Variants in SPTA1 observed in about 807,000 individuals in gnomAD.
The protein encoded by SPTA1 is spectrin alpha, erythrocytic 1.
Under a neutral mutation model 324.7 loss-of-function variants are expected in SPTA1, and 177 were observed. The observed-to-expected ratio is 0.55, with a 90% confidence interval of 0.48 to 0.62. The LOEUF (loss-of-function observed/expected upper bound fraction) is 0.62. Ranked by LOEUF, SPTA1 falls within the 20% of genes least tolerant of loss-of-function variation. The pLI is 0.00. For missense variants in SPTA1, 3,162 were observed against 2,883.6 expected (o/e 1.10, Z -2.21); for synonymous variants, 1,195 against 1,041.3 (o/e 1.15, Z -2.84).
intron 39 of SPTA1, among the ~76,000 whole-genome samples, chr1:158,631,877 C>A (rs1007688041): frequency 1.3e-5 from 2 of 152,110 alleles, no homozygotes; most frequent in African/African-American, 4.8e-5. Context: ...TTATGGAAAA[C>A]AACATGAATA....
At chr1:158,677,288 T>C (rs1023068638) in intron 7 of SPTA1, among the ~76,000 whole-genome samples, 6 of 152,172 alleles carry the variant, frequency 3.9e-5, no homozygotes, top group African/African-American at 1.4e-4. Context: ...TCTGATCTAC[T>C]GAGTACAAAA....
At chr1:158,685,060 C>G (rs1655066078) in intron 2 of SPTA1, 48 bp downstream of exon 2, 1 of 1,611,810 alleles carries the variant, frequency 6.2e-7, no homozygotes, top group Admixed American at 1.7e-5. Flanking sequence ...ATTTCCTTCT[C>G]TAGAGATCTT....
At position 158,636,659 on chromosome 1, in the gene SPTA1, G is replaced by T. The variant is rs3738791; in HGVS notation, c.5292C>A (p.Ala1764=). ...KHKRLEGELV[A]HEPAIQNVLD... ...TTCCTACCTGGATGGCAGGCTCATG[G>T]GCCACCAGCTCCCCCTCTAGGCGTT... The change falls in exon 37 of 52, where the codon GCC becomes GCA. Residue 1764 remains alanine, a synonymous_variant. Coordinates refer to ENST00000643759, the MANE Select transcript of SPTA1 (RefSeq NM_003126.4). 0.3 allele frequency: 486,647 copies of T among 1,613,644 alleles called. 75,757 individuals are homozygous for T. Among genetic ancestry groups the T allele is most frequent in the African/African-American group, 0.46 (34,812 of 74,880 alleles).
At chr1:158,633,389 C>A (rs1173297256) in intron 39 of SPTA1, among the ~76,000 whole-genome samples, 1 of 151,986 alleles carries the variant, frequency 6.6e-6, no homozygotes, top group Admixed American at 6.6e-5. Context: ...ATAAAAAGTT[C>A]TGTTTTAATG....
Position 158,653,285 on chromosome 1 carries a change from C to A in SPTA1, c.3177G>T (p.Gln1059His). ...EPGNITQRQE[Q>H]IENQYRSLLD... ...GCTCCAGAACTTACTGGTTCTCAAT[C>A]TGCTCCTGGCGCTGGGTGATGTTTC... The change falls in exon 22 of 52, where the codon CAG (glutamine) becomes CAT (histidine). Residue 1059 changes from glutamine to histidine, a missense_variant. By Grantham distance (24) the Gln-to-His change is conservative. Coordinates refer to ENST00000643759, the MANE Select transcript of SPTA1 (RefSeq NM_003126.4). 1 of 1,614,156 alleles carries A rather than the reference C, an allele frequency of 6.2e-7. No individual in the cohort carries two copies. Among genetic ancestry groups the A allele is most frequent in the East Asian group, 2.2e-5 (1 of 44,878 alleles).
chr1:158,675,586 A>G (rs1178523012), intron 8 of SPTA1, among the ~76,000 whole-genome samples: 3 of 152,202 alleles, frequency 2.0e-5, no homozygotes, highest in Non-Finnish European at 4.4e-5. Context: ...TCATATACCT[A>G]TATGCCTATG....
chr1:158,658,822 A>G (rs1653009141), intron 18 of SPTA1, among the ~76,000 whole-genome samples: 2 of 152,202 alleles, frequency 1.3e-5, no homozygotes, highest in East Asian at 3.8e-4. Context: ...GAAGCTTGCA[A>G]AGTCAGAAGA....
intron 14 of SPTA1, 108 bp from the exon 15 acceptor site, chr1:158,668,170 A>G (rs1653749785): frequency 1.5e-5 from 19 of 1,237,170 alleles, no homozygotes; most frequent in Non-Finnish European, 2.2e-5. Flanking sequence ...AACGATGCTA[A>G]CAAGAAGATA....
chr1:158,672,245 A>G (rs1654080111), intron 10 of SPTA1, 49 bp from the exon 11 acceptor site: 2 of 1,533,674 alleles, frequency 1.3e-6, no homozygotes, highest in Middle Eastern at 3.8e-4. Flanking sequence ...AATTTATTTT[A>G]TTCTATATTT....
intron 39 of SPTA1, 121 bp downstream of exon 39, chr1:158,634,422 G>T: frequency 7.1e-7 from 1 of 1,401,078 alleles, no homozygotes; most frequent in South Asian, 1.2e-5. Context: ...AGGATTATTC[G>T]TATTTCCTTC....
At position 158,630,453 on chromosome 1, in the gene SPTA1, G is replaced by T. The variant is rs531204036; in HGVS notation, c.5566-2730C>A. Reference sequence around the variant, plus strand: ...AACTGCTTTTCACTTGCAGAATAATGAAATAAGACCCTTATGCCATACCCA... The same window carrying T: ...AACTGCTTTTCACTTGCAGAATAATTAAATAAGACCCTTATGCCATACCCA... On this transcript the variant is annotated intron_variant, in intron 39 of 51. Coordinates refer to ENST00000643759, the MANE Select transcript of SPTA1 (RefSeq NM_003126.4). 2.6e-5 allele frequency among the ~76,000 whole-genome samples: 4 copies of T among 151,978 alleles called. No homozygotes were observed. The East Asian group carries it at 7.7e-4, about 29-fold the overall frequency.
chr1:158,614,321 A>AAC lies in SPTA1; in HGVS notation c.6789-16_6789-15insGT. 1 of 1,574,888 alleles carries AAC rather than the reference A, an allele frequency of 6.3e-7. No homozygotes were observed. Among genetic ancestry groups the AAC allele is most frequent in the Non-Finnish European group, 8.7e-7 (1 of 1,148,584 alleles). On this transcript the variant is annotated splice_polypyrimidine_tract_variant and intron_variant, in intron 48 of 51. Transcript: ENST00000643759. ...CTTTGATGTCCCTGAAAGAAAAAAAAAAAACATGAATTTTCCCTGTATATG... is the reference window on the plus strand; with the variant it reads ...CTTTGATGTCCCTGAAAGAAAAAAAAACAAAACATGAATTTTCCCTGTATATG...
intron 10 of SPTA1, among the ~76,000 whole-genome samples, chr1:158,673,329 T>C (rs966239794): frequency 6.6e-6 from 1 of 152,186 alleles, no homozygotes; most frequent in Non-Finnish European, 1.5e-5. Flanking sequence ...GCTTGGCATC[T>C]AGTGAGATGC....
In SPTA1 at chr1:158,620,302, A is replaced by G. The variant is rs1649823930; in HGVS notation, c.6285T>C (p.Ala2095=). Reference sequence around the variant, plus strand: ...CCAGCAAACATTTAAAGTCTGCTTGAGCCCTAGCCAGGGAGGCCAAGAAGT... The same window carrying G: ...CCAGCAAACATTTAAAGTCTGCTTGGGCCCTAGCCAGGGAGGCCAAGAAGT... The part of the protein sequence containing the change: ...HEDFLASLAR[A]QADFKCLLEL... The change falls in exon 44 of 52, where the codon GCT becomes GCC. Residue 2095 remains alanine (A), a synonymous_variant. Coordinates refer to ENST00000643759, the MANE Select transcript of SPTA1 (RefSeq NM_003126.4). The G allele has an allele frequency of 6.2e-7, 1 of 1,614,106 alleles. No homozygotes were observed. The highest frequency in any genetic ancestry group is 2.2e-5 in the East Asian group (1 of 44,854).
At chr1:158,662,232 CTCAGTA>C (rs1470737444) in intron 17 of SPTA1, among the ~76,000 whole-genome samples, 1 of 152,140 alleles carries the variant, frequency 6.6e-6, no homozygotes, top group Non-Finnish European at 1.5e-5. Context: ...TTTTCTCTGC[CTCAGTA>C]TAAGTGTACT....
intron 15 of SPTA1, among the ~76,000 whole-genome samples, chr1:158,666,995 C>T (rs1434345037): frequency 6.6e-6 from 1 of 152,176 alleles, no homozygotes; most frequent in Non-Finnish European, 1.5e-5. Context: ...CAGAAAATGT[C>T]TTCATTCACA....
Position 158,611,148 on chromosome 1 carries a change from C to CAA in SPTA1, c.*115_*116insTT. 1 of 1,259,202 alleles carries CAA rather than the reference C, an allele frequency of 7.9e-7. No individual in the cohort carries two copies. The highest frequency in any genetic ancestry group is 1.2e-5 in the South Asian group (1 of 81,206). The allele number at this position is 1,259,202 out of a possible 1,614,324, so 78.0% of individuals were successfully genotyped here. ...AAACACAAGCACACACACACACACA[C>CAA]ACACACACACACACACACGAGGCCA... On this transcript the variant is annotated 3_prime_UTR_variant, in exon 52 of 52. Transcript: ENST00000643759.
chr1:158,639,527 A>C, intron 35 of SPTA1, 55 bp downstream of exon 35: 1 of 1,572,420 alleles, frequency 6.4e-7, no homozygotes. Flanking sequence ...GGGAGGGAGA[A>C]GAGCCAGAAA....
intron 43 of SPTA1, among the ~76,000 whole-genome samples, chr1:158,621,247 GA>G (rs1649895461): frequency 6.6e-6 from 1 of 152,124 alleles, no homozygotes; most frequent in African/African-American, 2.4e-5. Context: ...ATACATTACA[GA>G]TTTTGGGTCA....
Sources: allele counts gnomAD v4.1 joint callset (sites outside exome capture counted in the v4.1 genomes callset), GRCh38; gene constraint gnomAD v4.1.1; transcripts MANE v1.5; gene names NCBI Gene and HGNC (gene_info 2026-07-23, HGNC 2026-07-21).